The following SETX variants were observed in gnomAD, a reference collection of about 807,000 sequenced individuals.
SETX encodes helicase senataxin.
A neutral mutation model predicts 227.2 loss-of-function variants in SETX; 90 were observed. The observed-to-expected ratio is 0.40, with a 90% CI of 0.33 to 0.47. The LOEUF is 0.47. SETX is among the 20% of genes least tolerant of loss of function. The probability of loss-of-function intolerance (pLI) is 0.91; values close to 1 mark genes in which losing one functional copy is unlikely to be tolerated. For synonymous variants in SETX, 1,210 were observed against 1,113.2 expected (o/e 1.09, Z -1.73); for missense variants, 3,052 against 3,181.5 (o/e 0.96, Z 0.98).
At chr9:132,280,651 C>T (rs1564481357) in intron 20 of SETX, among the ~76,000 whole-genome samples, 2 of 152,204 alleles carry the variant, frequency 1.3e-5, no homozygotes, top group Non-Finnish European at 2.9e-5. Context: ...AACAAAAATG[C>T]TTTGAAAATG....
chr9:132,271,856 T>C (rs763059187), intron 23 of SETX, 48 bp from the exon 24 acceptor site: 1 of 1,510,594 alleles, frequency 6.6e-7, no homozygotes, highest in South Asian at 1.1e-5. Context: ...AAGATAATTA[T>C]TAAGTATACA....
At position 132,327,184 on chromosome 9, in the gene SETX, C is replaced by T. The variant is rs1705026072; in HGVS notation, c.4414G>A (p.Ala1472Thr). The T allele has an allele frequency of 6.2e-7, 1 of 1,614,058 alleles. No individual in the cohort carries two copies. Among genetic ancestry groups the T allele is most frequent in the Non-Finnish European group, 8.5e-7 (1 of 1,180,036 alleles). ...EDPLGGGDPTARHIEMAALKE... is the reference protein window; with the variant it reads ...EDPLGGGDPTTRHIEMAALKE... ...AAAGCTGCCATCTCTATATGACGTG[C>T]TGTTGGATCACCTCCACCCAGAGGG... is the stretch of plus-strand genomic sequence containing the variant. Residue 1472 changes from alanine to threonine, a missense_variant, in exon 10 of 26, where the codon GCA (alanine) becomes ACA (threonine). Ala to Thr is a moderately conservative substitution (Grantham distance 58). Transcript: ENST00000224140.
At chr9:132,338,064 C>G (rs944859104) in intron 5 of SETX, among the ~76,000 whole-genome samples, 2 of 149,888 alleles carry the variant, frequency 1.3e-5, no homozygotes, top group Admixed American at 1.3e-4. Context: ...GAGGAAACAT[C>G]AGACAAACCC....
intron 10 of SETX, among the ~76,000 whole-genome samples, chr9:132,321,574 A>ATG (rs1846335487): frequency 6.8e-6 from 1 of 146,704 alleles, no homozygotes; most frequent in African/African-American, 2.5e-5. Flanking sequence ...GGAGAATGGC[A>ATG]TGAACCCAGG....
rs201323348 is a variant in SETX at position 132,296,869 on chromosome 9, G to A, written c.5949+18C>T. ...GATACAGCTAGTTAACAGCATCAGTGCCCTCACCCATACCTACCTCTGTCA... is the reference window on the plus strand; with the variant it reads ...GATACAGCTAGTTAACAGCATCAGTACCCTCACCCATACCTACCTCTGTCA... On this transcript the variant is annotated intron_variant, in intron 14 of 25. Coordinates refer to ENST00000224140, the MANE Select transcript of SETX (RefSeq NM_015046.7). 3.5e-5 allele frequency: 57 copies of A among 1,612,812 alleles called. No individual in the cohort carries two copies. The highest frequency in any genetic ancestry group is 4.8e-5 in the Non-Finnish European group (56 of 1,178,924).
intron 6 of SETX, 62 bp from the exon 7 acceptor site, chr9:132,334,789 A>C: frequency 1.3e-6 from 2 of 1,568,616 alleles, no homozygotes; most frequent in Non-Finnish European, 1.8e-6. Flanking sequence ...TGCCTGGTTT[A>C]GTTTGCAAAA....
chr9:132,272,542 T>C (rs1254743473), intron 23 of SETX, among the ~76,000 whole-genome samples: 2 of 151,882 alleles, frequency 1.3e-5, no homozygotes, highest in Admixed American at 1.3e-4. Context: ...CTCAAACTTC[T>C]GGGGCTCAAG....
intron 20 of SETX, among the ~76,000 whole-genome samples, chr9:132,280,481 C>T (rs927610511): frequency 1.3e-5 from 2 of 152,198 alleles, no homozygotes; most frequent in African/African-American, 4.8e-5. Context: ...CTTCCCTACA[C>T]ACACGGGTTT....
Position 132,266,700 on chromosome 9 carries a change from A to C in SETX, c.7288-1715T>G, listed in dbSNP as rs933959540. Among the ~76,000 whole-genome samples, 3 of 152,294 alleles carry C rather than the reference A, an allele frequency of 2.0e-5. No homozygotes were observed. The East Asian group carries it at 5.8e-4, about 29-fold the overall frequency. ...GGCATGAGAATCGCCTGAACCCAGG[A>C]GGCGGACGTTGCAGTGAGCTGAGAT... is the stretch of plus-strand genomic sequence containing the variant. On this transcript the variant is annotated intron_variant, in intron 25 of 25. Coordinates refer to ENST00000224140, the MANE Select transcript of SETX (RefSeq NM_015046.7).
chr9:132,348,173 A>G (rs1045489040), intron 3 of SETX, among the ~76,000 whole-genome samples: 1 of 152,004 alleles, frequency 6.6e-6, no homozygotes, highest in Admixed American at 6.5e-5. Flanking sequence ...CAGCTGGGCC[A>G]ACATGGTAAA....
chr9:132,281,525 C>G lies in SETX; in HGVS notation c.6596G>C (p.Cys2199Ser). ...IETLTPLIHR[C>S]NKLILVGDPK... ...ATCTCCTACTAGGATGAGCTTATTGCAGCGATGGATGAGTGGAGTAAGAGT... is the reference window on the plus strand; with the variant it reads ...ATCTCCTACTAGGATGAGCTTATTGGAGCGATGGATGAGTGGAGTAAGAGT... Residue 2199 changes from cysteine to serine, a missense_variant, in exon 20 of 26, where the codon TGC (cysteine) becomes TCC (serine). This residue lies in a region of SETX where 412 missense variants were observed against 589.0 expected (regional missense o/e 0.70). Coordinates refer to ENST00000224140, the MANE Select transcript of SETX (RefSeq NM_015046.7). 6.2e-7 allele frequency: 1 copy of G among 1,614,024 alleles called. No individual in the cohort carries two copies. The highest frequency in any genetic ancestry group is 8.5e-7 in the Non-Finnish European group (1 of 1,179,952).
chr9:132,303,020 T>C (rs568623737), intron 11 of SETX, among the ~76,000 whole-genome samples: 3 of 152,256 alleles, frequency 2.0e-5, no homozygotes, highest in African/African-American at 7.2e-5. Flanking sequence ...TACATTGTTT[T>C]TGATTTATTT....
intron 11 of SETX, among the ~76,000 whole-genome samples, chr9:132,308,954 T>C (rs1256513119): frequency 2.0e-5 from 3 of 152,014 alleles, no homozygotes; most frequent in African/African-American, 4.8e-5. Flanking sequence ...GCCTGGCCAA[T>C]AGGTGAAACC....
chr9:132,264,124 T>G lies in SETX; in HGVS notation c.*115A>C, dbSNP rs746601889. ...GGTGTTAAGGATGCATTTTCCATGT[T>G]TTCCAACAGCACACAAACTCCTTAC... On this transcript the variant is annotated 3_prime_UTR_variant, in exon 26 of 26. Coordinates refer to ENST00000224140, the MANE Select transcript of SETX (RefSeq NM_015046.7). 33 of 1,478,776 alleles carry G rather than the reference T, an allele frequency of 2.2e-5. No homozygotes were observed. Among genetic ancestry groups the G allele is most frequent in the Non-Finnish European group, 3.1e-5 (33 of 1,073,472 alleles). The allele number at this position is 1,478,776 out of a possible 1,614,324, so 91.6% of individuals were successfully genotyped here.
rs775470600 is a variant in SETX, at chr9:132,286,471, A to T, written c.6348T>A (p.Ile2116=). 1 of 1,613,722 alleles carries T rather than the reference A, an allele frequency of 6.2e-7. No individual in the cohort carries two copies. The highest frequency in any genetic ancestry group is 2.2e-5 in the East Asian group (1 of 44,866). Residue 2116 remains isoleucine (I), a synonymous_variant, in exon 18 of 26, where the codon ATT becomes ATA. Coordinates refer to ENST00000224140, the MANE Select transcript of SETX (RefSeq NM_015046.7). ...CCTGCCTTTCCTTAGAAACTTTGGA[A>T]ATGTTTTCATCTAATTCTTGCCTCT... ...EIQRQELDEN[I]SKVSKERQEL...
intron 5 of SETX, among the ~76,000 whole-genome samples, chr9:132,337,942 A>G (rs1847731846): frequency 6.6e-6 from 1 of 152,152 alleles, no homozygotes; most frequent in African/African-American, 2.4e-5. Context: ...TAACATCACC[A>G]TGAGTTGCAA....
chr9:132,322,993 A>G (rs1395150098), intron 10 of SETX, among the ~76,000 whole-genome samples: 2 of 152,176 alleles, frequency 1.3e-5, no homozygotes, highest in African/African-American at 2.4e-5. Flanking sequence ...AAAGGATAAC[A>G]AAAAGAAAAT....
chr9:132,297,932 T>C, intron 13 of SETX, 148 bp downstream of exon 13: 3 of 692,448 alleles, frequency 4.3e-6, no homozygotes, highest in Non-Finnish European at 7.4e-6. Context: ...CTAAATTACA[T>C]ACTTTGCAAT....
intron 7 of SETX, among the ~76,000 whole-genome samples, chr9:132,331,831 A>G (rs1216810990): frequency 6.6e-6 from 1 of 152,208 alleles, no homozygotes; most frequent in Non-Finnish European, 1.5e-5. Flanking sequence ...CCATCCTCCA[A>G]TAACTAACAG....
Sources: gnomAD v4.1 joint callset for allele counts (sites outside exome capture counted in the v4.1 genomes callset) on GRCh38, gnomAD v4.1.1 for gene constraint, gnomAD v4.1.1 regional missense constraint, MANE v1.5 for transcripts, NCBI Gene and HGNC (gene_info 2026-07-23, HGNC 2026-07-21) for gene names.